Variants in TTC23 observed in about 807,000 individuals in gnomAD.
The protein encoded by TTC23 is tetratricopeptide repeat protein 23.
A neutral mutation model predicts 55.1 loss-of-function variants in TTC23; 58 were observed. The ratio of observed to expected loss-of-function variants is 1.05; its 90% confidence interval spans 0.85 to 1.31. The LOEUF (loss-of-function observed/expected upper bound fraction) is 1.31. Among genes scored for constraint, TTC23 ranks in the 50% most tolerant of loss-of-function variants. The pLI, the probability that TTC23 is intolerant of heterozygous loss-of-function variation, is 0.00. For missense variants in TTC23, 516 were observed against 534.4 expected, an observed-to-expected ratio of 0.97 and a Z score of 0.34; for synonymous variants, 203 against 199.9, an observed-to-expected ratio of 1.02 and a Z score of -0.13.
chr15:99,181,255 G>T (rs376032038), intron 9 of TTC23, among the ~76,000 whole-genome samples: 2 of 152,162 alleles, frequency 1.3e-5, no homozygotes, highest in South Asian at 2.1e-4. Flanking sequence ...GTAATGAAGA[G>T]ATATTTAAGG....
intron 1 of TTC23, among the ~76,000 whole-genome samples, chr15:99,247,631 C>G (rs933374166): frequency 1.3e-5 from 2 of 152,170 alleles, no homozygotes; most frequent in Admixed American, 6.5e-5. Flanking sequence ...TGTAATTCCA[C>G]TTACATGCCC....
intron 12 of TTC23, chr15:99,155,918 T>C (rs2070478911): frequency 1.8e-6 from 1 of 556,580 alleles, no homozygotes. Context: ...ATTAAAAATA[T>C]TTGCATAGTA....
At chr15:99,175,868 G>A (rs1044016006) in intron 9 of TTC23, among the ~76,000 whole-genome samples, 5 of 152,136 alleles carry the variant, frequency 3.3e-5, no homozygotes, top group South Asian at 2.1e-4. Flanking sequence ...GGTGGTGCAC[G>A]CCTATAGTCC....
chr15:99,195,491 C>A (rs1039396399), intron 9 of TTC23, among the ~76,000 whole-genome samples: 8 of 152,132 alleles, frequency 5.3e-5, no homozygotes, highest in Non-Finnish European at 1.2e-4. Flanking sequence ...TCGTTCATTG[C>A]TGGTGGGAAT....
chr15:99,206,428 C>A (rs144913599), intron 8 of TTC23, among the ~76,000 whole-genome samples: 4 of 152,228 alleles, frequency 2.6e-5, no homozygotes, highest in Admixed American at 1.3e-4. Flanking sequence ...AGTACTGAAG[C>A]CATCAGATCT....
chr15:99,214,566 T>C (rs62025695), intron 8 of TTC23, among the ~76,000 whole-genome samples: 8,257 of 148,232 alleles, frequency 0.056, 309 homozygotes, highest in South Asian at 0.09. Flanking sequence ...GCTAGGACTA[T>C]AGGTGAGCAC....
rs555093477 is a variant in TTC23 at position 99,156,367 on chromosome 15, A to G, written c.994-70T>C. 4.3e-5 allele frequency: 67 copies of G among 1,567,100 alleles called. No homozygotes were observed. The East Asian group carries it at 1.5e-3, about 35-fold the overall frequency. On this transcript the variant is annotated intron_variant, in intron 11 of 13. Transcript: ENST00000394132. ...TGATTAGGATCATTACGCAACTTGT[A>G]ACATTTTCACATGGGTGTGGTAGTC...
intron 9 of TTC23, among the ~76,000 whole-genome samples, chr15:99,187,344 T>C (rs923282005): frequency 2.9e-4 from 44 of 150,294 alleles, no homozygotes; most frequent in African/African-American, 1.0e-3. Context: ...CAAAAACCCA[T>C]GTGTAAGAGC....
chr15:99,175,485 G>A (rs938994305), intron 9 of TTC23, among the ~76,000 whole-genome samples: 6 of 152,216 alleles, frequency 3.9e-5, no homozygotes, highest in African/African-American at 1.4e-4. Flanking sequence ...AGAAGGTGTC[G>A]ATGCTGTGCA....
At chr15:99,211,114 C>A (rs1447128609) in intron 8 of TTC23, among the ~76,000 whole-genome samples, 1 of 152,188 alleles carries the variant, frequency 6.6e-6, no homozygotes, top group Non-Finnish European at 1.5e-5. Flanking sequence ...GTGGCTCATG[C>A]CTGTAATCCC....
intron 12 of TTC23, chr15:99,148,831 C>A (rs1555495414): frequency 6.6e-6 from 1 of 152,206 alleles, no homozygotes; most frequent in African/African-American, 2.4e-5. Flanking sequence ...TGTGATTTTC[C>A]CCTGCAGGCA....
At chr15:99,208,793 A>C (rs921113509) in intron 8 of TTC23, among the ~76,000 whole-genome samples, 3 of 152,240 alleles carry the variant, frequency 2.0e-5, no homozygotes, top group Admixed American at 6.5e-5. Flanking sequence ...ATAGTCTTAC[A>C]TCCATCTACA....
chr15:99,239,258 A>T (rs989831103), intron 3 of TTC23, among the ~76,000 whole-genome samples: 21 of 152,144 alleles, frequency 1.4e-4, no homozygotes, highest in Admixed American at 9.8e-4. Context: ...AGGTCGAGGC[A>T]TGCAGATCAC....
At chr15:99,187,452 C>CAAAAAAAAAAAAAAAAGA (rs66568931) in intron 9 of TTC23, among the ~76,000 whole-genome samples, 10 of 44,440 alleles carry the variant, frequency 2.3e-4, no homozygotes, top group Non-Finnish European at 3.6e-4. Context: ...AAAGCACAAG[C>CAAAAAAAAAAAAAAAAGA]AAAAAAAAAA....
chr15:99,166,909 C>T (rs772003480), intron 10 of TTC23, among the ~76,000 whole-genome samples: 8 of 152,136 alleles, frequency 5.3e-5, no homozygotes, highest in Admixed American at 6.5e-5. Flanking sequence ...AGTGTGTCCA[C>T]GTGTGCACCT....
chr15:99,166,149 C>T (rs539766715), intron 10 of TTC23, among the ~76,000 whole-genome samples: 18 of 152,294 alleles, frequency 1.2e-4, no homozygotes, highest in African/African-American at 4.3e-4. Flanking sequence ...AAGGCAGAGG[C>T]CAAAAGGGCT....
chr15:99,207,197 G>T (rs1474431896), intron 8 of TTC23, among the ~76,000 whole-genome samples: 1 of 151,980 alleles, frequency 6.6e-6, no homozygotes, highest in African/African-American at 2.4e-5. Context: ...AGAAAAGATA[G>T]GTAAAATTGA....
At chr15:99,236,367 G>A (rs1395526303) in intron 3 of TTC23, among the ~76,000 whole-genome samples, 1 of 151,956 alleles carries the variant, frequency 6.6e-6, no homozygotes, top group Non-Finnish European at 1.5e-5. Flanking sequence ...GCTTTGATTT[G>A]CAGTTCCCTA....
At position 99,228,290 on chromosome 15, in the gene TTC23, C is replaced by G. The variant is rs147442174; in HGVS notation, c.180+243G>C. On this transcript the variant is annotated intron_variant, in intron 5 of 13. Coordinates refer to ENST00000394132, the MANE Select transcript of TTC23 (RefSeq NM_001288615.3). The stretch of plus-strand genomic sequence containing the variant: ...GCATCTGCTTTGTTTGTGTTGTATC[C>G]CAATGCCTAGACTTGGCACACAGTG... 2.0e-4 allele frequency: 65 copies of G among 330,992 alleles called. No individual in the cohort carries two copies. The East Asian group carries it at 3.0e-3, about 16-fold the overall frequency. The allele number at this position is 330,992 out of a possible 1,614,324, so 20.5% of individuals were successfully genotyped here.
Sources: gnomAD v4.1 joint callset for allele counts (sites outside exome capture counted in the v4.1 genomes callset) on GRCh38, gnomAD v4.1.1 for gene constraint, MANE v1.5 for transcripts, NCBI Gene and HGNC (gene_info 2026-07-23, HGNC 2026-07-21) for gene names.